Variants in LAMA2 observed in about 807,000 individuals in gnomAD.
LAMA2 encodes laminin subunit alpha-2.
In LAMA2, 269 loss-of-function variants were observed where a neutral mutation model predicts 364.8. The ratio of observed to expected loss-of-function variants is 0.74; its 90% CI spans 0.67 to 0.82. The LOEUF (loss-of-function observed/expected upper bound fraction) is 0.82. Among genes scored for constraint, LAMA2 ranks in the 40% least tolerant of loss-of-function variants. The pLI is 0.00. For missense variants in LAMA2, 3,807 were observed against 3,873.2 expected (o/e 0.98, Z 0.45); for synonymous variants, 1,379 against 1,370.6 (o/e 1.01, Z -0.14).
intron 56 of LAMA2, among the ~76,000 whole-genome samples, chr6:129,487,165 A>C (rs1280186519): frequency 6.6e-6 from 1 of 152,166 alleles, no homozygotes; most frequent in Non-Finnish European, 1.5e-5. Flanking sequence ...TTCTGAGGGA[A>C]CAGAATCAAG....
chr6:129,423,710 T>C (rs143044542), intron 40 of LAMA2, among the ~76,000 whole-genome samples: 134 of 152,026 alleles, frequency 8.8e-4, no homozygotes, highest in African/African-American at 2.8e-3. Flanking sequence ...TACAATAGCA[T>C]TAAAAATGTA....
intron 1 of LAMA2, among the ~76,000 whole-genome samples, chr6:128,987,465 T>C (rs970041171): frequency 6.6e-6 from 1 of 152,162 alleles, no homozygotes; most frequent in Admixed American, 6.5e-5. Context: ...AAAGTGTGAT[T>C]ACTCAGTCAA....
chr6:129,264,499 G>A (rs1747804482), intron 15 of LAMA2, among the ~76,000 whole-genome samples: 1 of 152,042 alleles, frequency 6.6e-6, no homozygotes, highest in Non-Finnish European at 1.5e-5. Flanking sequence ...AATTCAGCAT[G>A]TCTGTCTGGT....
At chr6:128,904,218 T>A (rs1427454339) in intron 1 of LAMA2, among the ~76,000 whole-genome samples, 1 of 152,184 alleles carries the variant, frequency 6.6e-6, no homozygotes, top group Admixed American at 6.5e-5. Context: ...GACAGCTTTC[T>A]GACTCGTCAT....
intron 1 of LAMA2, among the ~76,000 whole-genome samples, chr6:128,978,796 ACT>A (rs1377505677): frequency 6.6e-6 from 1 of 152,254 alleles, no homozygotes. Context: ...TGAGGAAGTG[ACT>A]CTTGGAAGAA....
At chr6:128,967,754 C>A (rs1226683074) in intron 1 of LAMA2, among the ~76,000 whole-genome samples, 1 of 152,142 alleles carries the variant, frequency 6.6e-6, no homozygotes, top group Admixed American at 6.5e-5. Flanking sequence ...TTTTACTGCT[C>A]AGGGGATGAT....
chr6:129,157,597 C>T (rs1407583896), intron 8 of LAMA2: 22 of 1,612,870 alleles, frequency 1.4e-5, no homozygotes, highest in Non-Finnish European at 1.8e-5. Flanking sequence ...AGTCTGGGGG[C>T]TGGATTGTGG....
chr6:129,216,262 T>C (rs764630374), intron 12 of LAMA2, among the ~76,000 whole-genome samples: 3 of 152,196 alleles, frequency 2.0e-5, no homozygotes, highest in African/African-American at 7.2e-5. Context: ...TTATGTCAGT[T>C]TGAGAGTAGA....
chr6:129,097,175 G>A (rs1775237706), intron 3 of LAMA2, among the ~76,000 whole-genome samples: 2 of 152,052 alleles, frequency 1.3e-5, no homozygotes, highest in African/African-American at 4.8e-5. Flanking sequence ...ATATCATACT[G>A]TTTTATTATT....
chr6:129,073,706 T>G (rs6941675), intron 3 of LAMA2, among the ~76,000 whole-genome samples: 7,776 of 152,208 alleles, frequency 0.051, 663 homozygotes, highest in African/African-American at 0.18. Flanking sequence ...TATTTTTTAG[T>G]TTTAGAATAT....
intron 51 of LAMA2, among the ~76,000 whole-genome samples, chr6:129,466,889 C>CT (rs1783571728): frequency 6.6e-6 from 1 of 151,790 alleles, no homozygotes; most frequent in African/African-American, 2.4e-5. Flanking sequence ...ACCGAGAACT[C>CT]TAAGAGTTTT....
chr6:128,985,307 G>A (rs1046038223), intron 1 of LAMA2, among the ~76,000 whole-genome samples: 1 of 152,128 alleles, frequency 6.6e-6, no homozygotes, highest in Non-Finnish European at 1.5e-5. Context: ...AAACCACCAT[G>A]CAGTTTAAAA....
At chr6:129,119,582 C>G (rs925664470) in intron 4 of LAMA2, among the ~76,000 whole-genome samples, 3 of 152,060 alleles carry the variant, frequency 2.0e-5, no homozygotes, top group Admixed American at 1.3e-4. Context: ...GAGTCTCGAT[C>G]TGTCGCCCAG....
intron 32 of LAMA2, among the ~76,000 whole-genome samples, chr6:129,358,485 T>G (rs1777280675): frequency 1.3e-5 from 2 of 152,006 alleles, no homozygotes; most frequent in Non-Finnish European, 1.5e-5. Context: ...AAAGACAAAC[T>G]AAAATCACAT....
In LAMA2 at chr6:129,260,765, T is replaced by A. The variant is rs745324663; in HGVS notation, c.2151T>A (p.Ile717=). The A allele has an allele frequency of 1.9e-6, 3 of 1,612,836 alleles. No homozygotes were observed. The Admixed American group carries it at 5.0e-5, about 27-fold the overall frequency. ...TCTCCTATCCTACTGATGGAAGCATTGCAGCAGCTGTAGAAGTGTGTCAGT... is the reference window on the plus strand; with the variant it reads ...TCTCCTATCCTACTGATGGAAGCATAGCAGCAGCTGTAGAAGTGTGTCAGT... ...SAVSYPTDGS[I]AAAVEVCQCP... The change falls in exon 15 of 65, where the codon ATT becomes ATA. Residue 717 remains isoleucine, a synonymous_variant. Coordinates refer to ENST00000421865, the MANE Select transcript of LAMA2 (RefSeq NM_000426.4).
intron 1 of LAMA2, among the ~76,000 whole-genome samples, chr6:129,017,688 A>C (rs961393434): frequency 6.6e-6 from 1 of 152,086 alleles, no homozygotes. Flanking sequence ...TGATGATAAC[A>C]TGTGATAGGT....
rs534438824 is a variant in LAMA2 at position 129,448,784 on chromosome 6, A to G, written c.6429+2963A>G. Among the ~76,000 whole-genome samples the G allele has an allele frequency of 3.5e-4, 53 of 152,226 alleles. 1 individual carries two copies. Among genetic ancestry groups the G allele is most frequent in the Admixed American group, 3.1e-3 (48 of 15,288 alleles). On this transcript the variant is annotated intron_variant, in intron 45 of 64. Transcript: ENST00000421865. Reference sequence around the variant, plus strand: ...TTAATGCTTAGTGATTTTTCTTTAGATGTCTTACTAAGGATCTGCATTAGA... The same window carrying G: ...TTAATGCTTAGTGATTTTTCTTTAGGTGTCTTACTAAGGATCTGCATTAGA...
chr6:129,156,230 TTG>T (rs1472198584), intron 8 of LAMA2, among the ~76,000 whole-genome samples: 1 of 151,468 alleles, frequency 6.6e-6, no homozygotes, highest in East Asian at 1.9e-4. Flanking sequence ...ATATACAATT[TTG>T]TCAAAAAGGA....
chr6:129,257,974 GTATT>G (rs1786821652), intron 14 of LAMA2, among the ~76,000 whole-genome samples: 1 of 151,906 alleles, frequency 6.6e-6, no homozygotes, highest in Non-Finnish European at 1.5e-5. Context: ...TATTATTTAA[GTATT>G]TAGTCAGTTA....
Sources: gnomAD v4.1 joint callset for allele counts (sites outside exome capture counted in the v4.1 genomes callset) on GRCh38, gnomAD v4.1.1 for gene constraint, MANE v1.5 for transcripts, NCBI Gene and HGNC (gene_info 2026-07-23, HGNC 2026-07-21) for gene names.